The following CTTN variants were observed in gnomAD, a reference collection of about 807,000 sequenced individuals.
CTTN encodes the protein cortactin, also known as src substrate cortactin.
Under a neutral mutation model 84.0 loss-of-function variants are expected in CTTN, and 28 were observed. The ratio of observed to expected loss-of-function variants is 0.33; its 90% CI spans 0.25 to 0.46. The LOEUF (loss-of-function observed/expected upper bound fraction) is 0.46. Among genes scored for constraint, CTTN ranks in the 20% least tolerant of loss-of-function variants. The pLI is 1.00. For missense variants in CTTN, 641 were observed against 723.8 expected (o/e 0.89, Z 1.31); for synonymous variants, 301 against 288.8 (o/e 1.04, Z -0.43).
intron 15 of CTTN, 40 bp downstream of exon 15, chr11:70,431,320 C>T: frequency 6.3e-7 from 1 of 1,592,546 alleles, no homozygotes; most frequent in Non-Finnish European, 8.6e-7. Flanking sequence ...GAGTGACTTA[C>T]TGCCAGAGCC....
intron 13 of CTTN, among the ~76,000 whole-genome samples, chr11:70,428,201 C>T (rs1189187247): frequency 3.5e-5 from 4 of 115,724 alleles, no homozygotes; most frequent in Non-Finnish European, 3.3e-5. Context: ...GAGTCTCGCT[C>T]TGTCGCGAGA....
rs547760232 is a variant in CTTN, at chr11:70,429,947, T to G, written c.1176+748T>G. 1.4e-3 allele frequency among the ~76,000 whole-genome samples: 211 copies of G among 152,136 alleles called. 1 individual carries two copies. Among genetic ancestry groups the G allele is most frequent in the Non-Finnish European group, 3.1e-4 (21 of 67,988 alleles). On this transcript the variant is annotated intron_variant, in intron 14 of 17. Transcript: ENST00000301843. ...CCCAGCCTGTCTGGAAGCCTGGGCT[T>G]CTCCTATCCACCCCAGGCCCTGCCC... is the stretch of plus-strand genomic sequence containing the variant.
At chr11:70,411,611 A>G (rs1027051551) in intron 5 of CTTN, among the ~76,000 whole-genome samples, 2 of 152,178 alleles carry the variant, frequency 1.3e-5, no homozygotes, top group Non-Finnish European at 2.9e-5. Context: ...AAAATTACAT[A>G]TTGGGGAAAA....
Position 70,420,374 on chromosome 11 carries a change from G to A in CTTN, c.680-26G>A, listed in dbSNP as rs368375939. 4.6e-5 allele frequency: 69 copies of A among 1,506,490 alleles called. 1 individual carries two copies. In the South Asian group the frequency reaches 5.4e-4, roughly 12 times the overall value. 93.3% of individuals were successfully genotyped at this position (1,506,490 alleles called of 1,614,324 possible). On this transcript the variant is annotated intron_variant, in intron 9 of 17. Transcript: ENST00000301843. ...GACCTGCACTACCTGTTAATGATGG[G>A]TTCTGGCCTTTCATTGTGCATGTAG...
chr11:70,433,232 A>G lies in CTTN; in HGVS notation c.1398A>G (p.Thr466=). 6.2e-7 allele frequency: 1 copy of G among 1,613,146 alleles called. No homozygotes were observed. Among genetic ancestry groups the G allele is most frequent in the Non-Finnish European group, 8.5e-7 (1 of 1,179,960 alleles). The change falls in exon 16 of 18, where the codon ACA becomes ACG. Residue 466 remains threonine, a synonymous_variant. Transcript: ENST00000301843. ...GCCAGCAGGGCCTGGCCTATGCCACAGAGGCTGTCTATGAAAGCGCAGAGG... is the reference window on the plus strand; with the variant it reads ...GCCAGCAGGGCCTGGCCTATGCCACGGAGGCTGTCTATGAAAGCGCAGAGG... The part of the protein sequence containing the change: ...ASSQQGLAYA[T]EAVYESAEAP...
At chr11:70,430,309 C>T (rs1189884144) in intron 14 of CTTN, among the ~76,000 whole-genome samples, 1 of 152,250 alleles carries the variant, frequency 6.6e-6, no homozygotes, top group Non-Finnish European at 1.5e-5. Context: ...AGCCCACAGG[C>T]TGTCAGTGAG....
chr11:70,417,380 T>G (rs535255245), intron 8 of CTTN, among the ~76,000 whole-genome samples: 2 of 152,328 alleles, frequency 1.3e-5, no homozygotes, highest in Non-Finnish European at 2.9e-5. Flanking sequence ...TATTTATTTT[T>G]GGTAGAGATG....
intron 4 of CTTN, 111 bp downstream of exon 4, chr11:70,407,702 A>G (rs1017493469): frequency 5.5e-6 from 5 of 915,604 alleles, no homozygotes; most frequent in African/African-American, 1.7e-5. Context: ...AACTGCATTT[A>G]TCTTCTTGAC....
intron 7 of CTTN, 130 bp downstream of exon 7, chr11:70,415,847 C>G (rs2058152293): frequency 2.4e-6 from 2 of 841,308 alleles, no homozygotes; most frequent in Middle Eastern, 7.2e-4. Context: ...GAAGCCGTTT[C>G]CTGAGCGGTG....
chr11:70,433,407 GTCT>G, intron 16 of CTTN, 129 bp downstream of exon 16: 1 of 1,013,938 alleles, frequency 9.9e-7, no homozygotes, highest in Non-Finnish European at 1.4e-6. Context: ...TTGCTATAGG[GTCT>G]TCTTGTCCCT....
Position 70,399,152 on chromosome 11 carries a change from G to A in CTTN, c.-98+538G>A, listed in dbSNP as rs1490501196. Among the ~76,000 whole-genome samples, 3 of 151,326 alleles carry A rather than the reference G, an allele frequency of 2.0e-5. No individual in the cohort carries two copies. In the South Asian group the frequency reaches 6.3e-4, roughly 32 times the overall value. On this transcript the variant is annotated intron_variant, in intron 1 of 17. Coordinates refer to ENST00000301843, the MANE Select transcript of CTTN (RefSeq NM_005231.4). ...GAAGGTGGGTGTGGGGGGTCTCAAGGAAAGGGCGAGGGGTCTGAGAGGGAG... is the reference window on the plus strand; with the variant it reads ...GAAGGTGGGTGTGGGGGGTCTCAAGAAAAGGGCGAGGGGTCTGAGAGGGAG...
chr11:70,417,431 G>C (rs2058176956), intron 8 of CTTN, among the ~76,000 whole-genome samples: 1 of 151,888 alleles, frequency 6.6e-6, no homozygotes, highest in African/African-American at 2.4e-5. Flanking sequence ...GATCTCCGTG[G>C]TCTCAAGCAA....
chr11:70,399,901 C>G (rs1341288926), intron 1 of CTTN, among the ~76,000 whole-genome samples: 1 of 152,262 alleles, frequency 6.6e-6, no homozygotes, highest in East Asian at 1.9e-4. Context: ...CCCTCAAGCC[C>G]GGCCGGGCCC....
At chr11:70,429,319 G>A (rs2058330718) in intron 14 of CTTN, 120 bp downstream of exon 14, 1 of 1,129,140 alleles carries the variant, frequency 8.9e-7, no homozygotes, top group Admixed American at 2.2e-5. Context: ...TGGAAGGCAT[G>A]TTTAACTCTC....
intron 1 of CTTN, among the ~76,000 whole-genome samples, chr11:70,402,565 T>A (rs1424246207): frequency 6.6e-6 from 1 of 152,252 alleles, no homozygotes; most frequent in Non-Finnish European, 1.5e-5. Context: ...TCCAGACATT[T>A]CCTAGAAATT....
At position 70,436,508 on chromosome 11, in the gene CTTN, C is replaced by G. The variant is rs186202595; in HGVS notation, c.*1346C>G. 1 of 976,620 alleles carries G rather than the reference C, an allele frequency of 1.0e-6. No individual in the cohort carries two copies. The highest frequency in any genetic ancestry group is 1.6e-6 in the Non-Finnish European group (1 of 644,678). The allele number at this position is 976,620 out of a possible 1,614,324, so 60.5% of individuals were successfully genotyped here. A position where few individuals can be genotyped will look rare whatever the true frequency, so the allele number is the denominator to read the frequency against. ...ATATGCAACTTATTGTATCTGAATT[C>G]CTGTAGCACACCTCATAGGTATGAT... On this transcript the variant is annotated 3_prime_UTR_variant, in exon 18 of 18. Transcript: ENST00000301843.
At chr11:70,408,355 C>T (rs2058065773) in intron 4 of CTTN, 1 of 152,188 alleles carries the variant, frequency 6.6e-6, no homozygotes, top group Non-Finnish European at 1.5e-5. Flanking sequence ...AAGGCACAGC[C>T]TGCACAATGG....
rs143340714 is a variant in CTTN, at chr11:70,409,217, G to T, written c.162-614G>T. On this transcript the variant is annotated intron_variant, in intron 4 of 17. Transcript: ENST00000301843. ...GGCAGAAAGTCCGAATGCCAAAGTG[G>T]CCTTCTTATCACTCTGGGGTCTCTC... 3.1e-4 allele frequency among the ~76,000 whole-genome samples: 47 copies of T among 152,236 alleles called. 1 individual carries two copies. The East Asian group carries it at 9.1e-3, about 29-fold the overall frequency.
At position 70,429,220 on chromosome 11, in the gene CTTN, C is replaced by T. The variant is rs200653903; in HGVS notation, c.1176+21C>T. On this transcript the variant is annotated intron_variant, in intron 14 of 17. Coordinates refer to ENST00000301843, the MANE Select transcript of CTTN (RefSeq NM_005231.4). ...TGGAGGTGAGTGGCAAGGAGTGGGC[C>T]GCAGCGCACCCTCCCTGGGACCTGT... The T allele has an allele frequency of 7.6e-5, 122 of 1,602,886 alleles. No homozygotes were observed. The African/African-American group carries it at 1.2e-3, about 16-fold the overall frequency.
Sources: gnomAD v4.1 joint callset for allele counts (sites outside exome capture counted in the v4.1 genomes callset) on GRCh38, gnomAD v4.1.1 for gene constraint, MANE v1.5 for transcripts, NCBI Gene and HGNC (gene_info 2026-07-23, HGNC 2026-07-21) for gene names.